Variants in RAD51B observed in about 807,000 individuals in gnomAD.
RAD51B encodes RAD51 paralog B.
A neutral mutation model predicts 42.2 loss-of-function variants in RAD51B; 38 were observed. The ratio of observed to expected loss-of-function variants is 0.90; its 90% CI spans 0.70 to 1.18. The LOEUF is 1.18. Among genes scored for constraint, RAD51B ranks in the 50% most tolerant of loss-of-function variants. The pLI is 0.00. For synonymous variants in RAD51B, 154 were observed against 145.2 expected, an observed-to-expected ratio of 1.06 and a Z score of -0.43; for missense variants, 373 against 400.7, an observed-to-expected ratio of 0.93 and a Z score of 0.59.
chr14:68,117,310 G>T (rs1193755369), intron 7 of RAD51B, among the ~76,000 whole-genome samples: 7 of 152,084 alleles, frequency 4.6e-5, no homozygotes, highest in Admixed American at 1.3e-4. Flanking sequence ...AATAGCTGAA[G>T]GATAAGATCC....
intron 8 of RAD51B, among the ~76,000 whole-genome samples, chr14:68,323,153 C>T (rs763217786): frequency 9.9e-5 from 15 of 152,088 alleles, no homozygotes; most frequent in South Asian, 2.1e-4. Context: ...AAGACAGGAG[C>T]GCCCAGGGAG....
chr14:68,095,591 A>G (rs1031727781), intron 7 of RAD51B, among the ~76,000 whole-genome samples: 3 of 151,912 alleles, frequency 2.0e-5, no homozygotes, highest in Non-Finnish European at 4.4e-5. Context: ...CCCCATCCCC[A>G]TTCATTTTGG....
intron 9 of RAD51B, among the ~76,000 whole-genome samples, chr14:68,434,482 T>C (rs2085096440): frequency 6.6e-6 from 1 of 152,212 alleles, no homozygotes; most frequent in Non-Finnish European, 1.5e-5. Context: ...GCCTTGCAGT[T>C]CAATCTCAGA....
intron 10 of RAD51B, among the ~76,000 whole-genome samples, chr14:68,546,689 G>T (rs1369002203): frequency 6.6e-6 from 1 of 152,148 alleles, no homozygotes; most frequent in Non-Finnish European, 1.5e-5. Context: ...GAATACCACT[G>T]GAGGGTGGGA....
chr14:68,301,597 T>G (rs1334330711), intron 8 of RAD51B, among the ~76,000 whole-genome samples: 11 of 34,202 alleles, frequency 3.2e-4, no homozygotes, highest in South Asian at 1.6e-3. Context: ...TGTGTGTTTT[T>G]TTTTTTTTTT....
intron 7 of RAD51B, among the ~76,000 whole-genome samples, chr14:68,175,376 A>G: frequency 6.6e-6 from 1 of 152,146 alleles, no homozygotes; most frequent in East Asian, 1.9e-4. Context: ...TTTCCATTTT[A>G]TTCATTGTAG....
chr14:68,430,264 G>C (rs887326481), intron 9 of RAD51B, among the ~76,000 whole-genome samples: 12 of 152,182 alleles, frequency 7.9e-5, no homozygotes, highest in African/African-American at 2.7e-4. Context: ...CTGTAAAGTA[G>C]TTTTTTCCAA....
chr14:68,610,844 T>C (rs1362288659), intron 10 of RAD51B, among the ~76,000 whole-genome samples: 6 of 1,180 alleles, frequency 5.1e-3, no homozygotes, highest in African/African-American at 0.01. Flanking sequence ...TGAATGTATA[T>C]GTGTGTGTGT....
intron 9 of RAD51B, among the ~76,000 whole-genome samples, chr14:68,447,489 GAA>G (rs11322675): frequency 2.5e-4 from 38 of 150,242 alleles, no homozygotes; most frequent in African/African-American, 3.2e-4. Flanking sequence ...ACAGTAGAGA[GAA>G]AAAAAAAAAG....
intron 7 of RAD51B, among the ~76,000 whole-genome samples, chr14:67,918,088 A>C (rs1012861446): frequency 6.6e-6 from 1 of 152,166 alleles, no homozygotes; most frequent in African/African-American, 2.4e-5. Context: ...AGATTGAAGA[A>C]ATCTCCCAGA....
Position 68,565,035 on chromosome 14 carries a change from TCAAA to T in RAD51B, c.1037-29447_1037-29444del, listed in dbSNP as rs1889354685. ...GAAAGACAATTTCCGATTATTGTTT[TCAAA>T]CATTCTACATCCAGCGCATAAAAAC... On this transcript the variant is annotated intron_variant, in intron 10 of 10. Coordinates refer to the RAD51B transcript ENST00000487270. This position sits in a 1 kb window ranked among gnomAD's most constrained non-coding sequence, Gnocchi z 4.1. 6.6e-6 allele frequency among the ~76,000 whole-genome samples: 1 copy of T among 152,184 alleles called. No individual in the cohort carries two copies. Among genetic ancestry groups the T allele is most frequent in the Admixed American group, 6.5e-5 (1 of 15,282 alleles).
At chr14:68,168,449 T>A (rs1477429743) in intron 7 of RAD51B, among the ~76,000 whole-genome samples, 5 of 152,172 alleles carry the variant, frequency 3.3e-5, no homozygotes, top group Admixed American at 6.5e-5. Flanking sequence ...TAGATATAAA[T>A]TCTCTCCTTC....
chr14:67,875,633 G>C (rs974049661), intron 5 of RAD51B, among the ~76,000 whole-genome samples: 1 of 152,170 alleles, frequency 6.6e-6, no homozygotes, highest in Non-Finnish European at 1.5e-5. Flanking sequence ...GCCTCAGTGT[G>C]TAGTAGGCTA....
intron 7 of RAD51B, among the ~76,000 whole-genome samples, chr14:68,211,293 C>T (rs1010661171): frequency 2.6e-5 from 4 of 152,202 alleles, no homozygotes; most frequent in Non-Finnish European, 4.4e-5. Flanking sequence ...GGGCCTTGCT[C>T]CCTGCCTGCA....
chr14:68,074,408 G>A (rs904999898), intron 7 of RAD51B, among the ~76,000 whole-genome samples: 4 of 152,042 alleles, frequency 2.6e-5, no homozygotes, highest in Admixed American at 6.6e-5. Flanking sequence ...TGAGTGTTTT[G>A]TCTTTTATTC....
At chr14:68,235,318 G>C (rs1000287133) in intron 7 of RAD51B, among the ~76,000 whole-genome samples, 1 of 151,740 alleles carries the variant, frequency 6.6e-6, no homozygotes, top group African/African-American at 2.4e-5. Flanking sequence ...GCACATAACT[G>C]TACTTGAAGC....
At chr14:68,543,295 G>A (rs1888062880) in intron 10 of RAD51B, among the ~76,000 whole-genome samples, 2 of 152,154 alleles carry the variant, frequency 1.3e-5, no homozygotes, top group African/African-American at 4.8e-5. Context: ...TTCTACTACT[G>A]CCATCCTAGC....
At chr14:68,379,069 G>A (rs1374868619) in intron 8 of RAD51B, among the ~76,000 whole-genome samples, 2 of 152,110 alleles carry the variant, frequency 1.3e-5, no homozygotes, top group Non-Finnish European at 2.9e-5. Flanking sequence ...ATTGTTACTT[G>A]TTCCGGGAAA....
At chr14:68,219,900 G>A (rs926554692) in intron 7 of RAD51B, among the ~76,000 whole-genome samples, 1 of 152,052 alleles carries the variant, frequency 6.6e-6, no homozygotes, top group Non-Finnish European at 1.5e-5. Context: ...GCTAATCAAG[G>A]AGGCACCAGA....
Sources: gnomAD v4.1 joint callset for allele counts (sites outside exome capture counted in the v4.1 genomes callset) on GRCh38, gnomAD v4.1.1 for gene constraint, Gnocchi (gnomAD v3.1) non-coding constraint, MANE v1.5 for transcripts, NCBI Gene and HGNC (gene_info 2026-07-23, HGNC 2026-07-21) for gene names.